COL13A1: variants seen among roughly 807,000 people sequenced by gnomAD.
The protein encoded by COL13A1 is collagen alpha-1(XIII) chain.
COL13A1 carries 89 observed loss-of-function variants against 130.9 expected under a neutral mutation model. The ratio of observed to expected loss-of-function variants is 0.68; its 90% CI spans 0.57 to 0.81. COL13A1 has a LOEUF of 0.81. COL13A1 is among the 30% of genes least tolerant of loss of function. COL13A1 has a pLI of 0.00. For synonymous variants in COL13A1, 402 were observed against 341.6 expected, an observed-to-expected ratio of 1.18 and a Z score of -1.95; for missense variants, 879 against 934.6, an observed-to-expected ratio of 0.94 and a Z score of 0.78.
chr10:69,945,781 A>G, intron 37 of COL13A1, 57 bp downstream of exon 37: 2 of 1,572,536 alleles, frequency 1.3e-6, no homozygotes, highest in Non-Finnish European at 1.7e-6. Flanking sequence ...CATTAGAAAT[A>G]CCCACGGCCG....
intron 2 of COL13A1, among the ~76,000 whole-genome samples, chr10:69,857,977 A>T (rs1227740): frequency 1.3e-5 from 2 of 151,862 alleles, no homozygotes; most frequent in Admixed American, 1.3e-4. Flanking sequence ...ATAGCCAGGC[A>T]TGGTGGCGCA....
intron 30 of COL13A1, among the ~76,000 whole-genome samples, chr10:69,930,801 CAG>C (rs2066011973): frequency 6.6e-6 from 1 of 152,232 alleles, no homozygotes; most frequent in South Asian, 2.1e-4. Flanking sequence ...CTCACTGTTG[CAG>C]AGTCTCCGTC....
At chr10:69,856,775 G>A (rs779298710) in intron 2 of COL13A1, among the ~76,000 whole-genome samples, 1 of 152,224 alleles carries the variant, frequency 6.6e-6, no homozygotes, top group Non-Finnish European at 1.5e-5. Context: ...TGGGGGTGGA[G>A]CAGGAAGTCC....
intron 30 of COL13A1, 47 bp from the exon 31 acceptor site, chr10:69,932,513 G>A (rs2066254796): frequency 2.7e-6 from 4 of 1,492,388 alleles, no homozygotes; most frequent in Non-Finnish European, 3.7e-6. Context: ...TCTGTCCCAG[G>A]CTTTCACAAG....
At chr10:69,849,971 G>C (rs1312700136) in intron 2 of COL13A1, among the ~76,000 whole-genome samples, 2 of 152,154 alleles carry the variant, frequency 1.3e-5, no homozygotes, top group East Asian at 1.9e-4. Context: ...ATTAGCCACT[G>C]TTCCCATTAG....
chr10:69,843,737 T>C (rs1852239441), intron 2 of COL13A1, among the ~76,000 whole-genome samples: 1 of 152,218 alleles, frequency 6.6e-6, no homozygotes, highest in African/African-American at 2.4e-5. Context: ...TCAGCTAATG[T>C]TTGCCATGAC....
Position 69,902,743 on chromosome 10 carries a change from C to A in COL13A1, c.751-5C>A. Reference sequence around the variant, plus strand: ...CCCTCTAACATTCGTTTCCATGAACCTCAGGGCGAACAGAGCCAGGCCAGC... The same window carrying A: ...CCCTCTAACATTCGTTTCCATGAACATCAGGGCGAACAGAGCCAGGCCAGC... On this transcript the variant is annotated splice_region_variant and splice_polypyrimidine_tract_variant and intron_variant, in intron 14 of 40. Coordinates refer to ENST00000645393, the MANE Select transcript of COL13A1 (RefSeq NM_001368882.1). The A allele has an allele frequency of 1.9e-6, 3 of 1,548,118 alleles. No individual in the cohort carries two copies. The highest frequency in any genetic ancestry group is 2.6e-6 in the Non-Finnish European group (3 of 1,146,124).
At chr10:69,938,334 C>T (rs567582261) in intron 34 of COL13A1, among the ~76,000 whole-genome samples, 8 of 152,202 alleles carry the variant, frequency 5.3e-5, no homozygotes, top group Non-Finnish European at 8.8e-5. Context: ...GGGCTGATGG[C>T]CTCTTCACTG....
At chr10:69,836,970 T>A (rs1358373151) in intron 2 of COL13A1, among the ~76,000 whole-genome samples, 2 of 84,258 alleles carry the variant, frequency 2.4e-5, no homozygotes, top group African/African-American at 8.8e-5. Flanking sequence ...GGAGGGAGGG[T>A]GGGGCGGGTC....
chr10:69,930,772 T>G (rs1358482522), intron 30 of COL13A1, among the ~76,000 whole-genome samples: 1 of 152,250 alleles, frequency 6.6e-6, no homozygotes. Context: ...CTCTGTCATC[T>G]GTATCCTTGG....
chr10:69,839,832 G>C (rs950213682), intron 2 of COL13A1, among the ~76,000 whole-genome samples: 2 of 152,210 alleles, frequency 1.3e-5, no homozygotes, highest in African/African-American at 4.8e-5. Context: ...GGCCAGTCCT[G>C]TGGCGCCTCG....
At chr10:69,926,184 A>G (rs768752029) in intron 26 of COL13A1, among the ~76,000 whole-genome samples, 4 of 152,230 alleles carry the variant, frequency 2.6e-5, no homozygotes, top group South Asian at 2.1e-4. Context: ...GTTACGGCCC[A>G]TGCAGGGTGC....
At chr10:69,819,032 C>A (rs571522216) in intron 1 of COL13A1, among the ~76,000 whole-genome samples, 1 of 152,352 alleles carries the variant, frequency 6.6e-6, no homozygotes, top group South Asian at 2.1e-4. Context: ...TTCTCCCACA[C>A]CAAGCTCAGC....
At chr10:69,942,698 C>T (rs970103324) in intron 35 of COL13A1, among the ~76,000 whole-genome samples, 11 of 152,214 alleles carry the variant, frequency 7.2e-5, no homozygotes, top group African/African-American at 1.9e-4. Flanking sequence ...AAACCTGGCA[C>T]GGTCAAGGAG....
intron 2 of COL13A1, among the ~76,000 whole-genome samples, chr10:69,826,954 C>T (rs1847648772): frequency 6.6e-6 from 1 of 152,204 alleles, no homozygotes; most frequent in Non-Finnish European, 1.5e-5. Context: ...CACTTCTGCT[C>T]ACAACCCATT....
chr10:69,833,772 C>T (rs917742029), intron 2 of COL13A1, among the ~76,000 whole-genome samples: 3 of 152,206 alleles, frequency 2.0e-5, no homozygotes, highest in Non-Finnish European at 4.4e-5. Context: ...CCACACCCCA[C>T]ACCCCACTCT....
In COL13A1 at chr10:69,880,516, A is replaced by G. The variant is rs201649350; in HGVS notation, c.476A>G (p.Asp159Gly). 18 of 1,612,732 alleles carry G rather than the reference A, an allele frequency of 1.1e-5. No individual in the cohort carries two copies. In the Admixed American group the frequency reaches 2.8e-4, roughly 25 times the overall value. The change falls in exon 7 of 41, where the codon GAC (aspartate) becomes GGC (glycine). Residue 159 changes from aspartate (D) to glycine (G), a missense_variant. Transcript: ENST00000645393. ...CTCTCCCCGCAGGGGTCCCCCGGAG[A>G]CGCTGGGCTGTCCATCATTGGTCCC... ...GQPGEKGSPG[D>G]AGLSIIGPRG...
chr10:69,924,286 CTTTATTTTTACT>C (rs993157603), intron 24 of COL13A1, among the ~76,000 whole-genome samples: 6 of 152,186 alleles, frequency 3.9e-5, no homozygotes, highest in Non-Finnish European at 8.8e-5. Flanking sequence ...TTCCTGTTTC[CTTTATTTTTACT>C]TTCTATCTTG....
At chr10:69,861,171 A>G (rs1380340634) in intron 2 of COL13A1, among the ~76,000 whole-genome samples, 2 of 152,186 alleles carry the variant, frequency 1.3e-5, no homozygotes, top group Non-Finnish European at 2.9e-5. Context: ...GGGCACCTCC[A>G]GATTGAAAGC....
Sources: gnomAD v4.1 joint callset for allele counts (sites outside exome capture counted in the v4.1 genomes callset) on GRCh38, gnomAD v4.1.1 for gene constraint, MANE v1.5 for transcripts, NCBI Gene and HGNC (gene_info 2026-07-23, HGNC 2026-07-21) for gene names.